LARGE1: variants seen among roughly 807,000 people sequenced by gnomAD.
LARGE1 encodes xylosyl- and glucuronyltransferase LARGE1.
A neutral mutation model predicts 87.6 loss-of-function variants in LARGE1; 43 were observed. The observed-to-expected ratio is 0.49, with a 90% CI of 0.38 to 0.63. The LOEUF is 0.63. Among genes scored for constraint, LARGE1 ranks in the 30% least tolerant of loss-of-function variants. The probability of loss-of-function intolerance (pLI) is 0.00; values close to 1 mark genes in which losing one functional copy is unlikely to be tolerated. For missense variants in LARGE1, 802 were observed against 1,000.2 expected, an observed-to-expected ratio of 0.80 and a Z score of 2.67; for synonymous variants, 434 against 394.6, an observed-to-expected ratio of 1.10 and a Z score of -1.18.
At chr22:33,385,458 G>T (rs1450952206) in intron 7 of LARGE1, among the ~76,000 whole-genome samples, 1 of 141,972 alleles carries the variant, frequency 7.0e-6, no homozygotes, top group Non-Finnish European at 1.6e-5. Context: ...AACCTGGGAG[G>T]TGGAGGTTGC....
At chr22:33,318,849 A>T (rs1291795642) in intron 10 of LARGE1, among the ~76,000 whole-genome samples, 3 of 152,152 alleles carry the variant, frequency 2.0e-5, no homozygotes, top group Non-Finnish European at 4.4e-5. Context: ...TACAGACAAA[A>T]GTTTACATGG....
intron 5 of LARGE1, among the ~76,000 whole-genome samples, chr22:33,589,967 G>T (rs911746159): frequency 6.6e-6 from 1 of 152,126 alleles, no homozygotes; most frequent in African/African-American, 2.4e-5. Context: ...TCTATCATTT[G>T]TGTAATTTTT....
chr22:33,710,163 C>G (rs1490337990), intron 2 of LARGE1, among the ~76,000 whole-genome samples: 1 of 150,582 alleles, frequency 6.6e-6, no homozygotes, highest in Non-Finnish European at 1.5e-5. Flanking sequence ...CTCATGACAG[C>G]AAGGCAGTTA....
rs886956992 is a variant in LARGE1 at position 33,550,406 on chromosome 22, G to C, written c.787+14442C>G. Among the ~76,000 whole-genome samples the C allele has an allele frequency of 1.3e-5, 2 of 152,162 alleles. 1 individual carries two copies. Among genetic ancestry groups the C allele is most frequent in the South Asian group, 4.1e-4 (2 of 4,830 alleles). On this transcript the variant is annotated intron_variant, in intron 6 of 14. Coordinates refer to ENST00000397394, the MANE Select transcript of LARGE1 (RefSeq NM_133642.5). ...GCAACGCCTAGAGATATTTTTGCGT[G>C]TCATAGCTGGAGGGGCATAGGATAG...
intron 3 of LARGE1, among the ~76,000 whole-genome samples, chr22:33,643,969 A>T (rs762123235): frequency 4.6e-5 from 7 of 152,212 alleles, no homozygotes; most frequent in Non-Finnish European, 7.3e-5. Context: ...TCACAGCCAA[A>T]TCTTACCAGA....
chr22:33,605,791 G>C (rs2079236939), intron 4 of LARGE1, among the ~76,000 whole-genome samples: 1 of 152,206 alleles, frequency 6.6e-6, no homozygotes, highest in African/African-American at 2.4e-5. Context: ...ATACTGCTCA[G>C]AGACAGACGA....
chr22:33,392,379 C>T (rs1038291718), intron 7 of LARGE1, among the ~76,000 whole-genome samples: 7 of 152,102 alleles, frequency 4.6e-5, no homozygotes, highest in Admixed American at 3.9e-4. Context: ...AAAATGGGGG[C>T]CAGGTGCGGT....
intron 2 of LARGE1, among the ~76,000 whole-genome samples, chr22:33,698,387 A>C (rs1018270484): frequency 2.1e-5 from 3 of 142,266 alleles, no homozygotes; most frequent in Non-Finnish European, 3.1e-5. Context: ...TGCAACCTCT[A>C]TCTGCAAGTT....
intron 2 of LARGE1, among the ~76,000 whole-genome samples, chr22:33,668,555 T>G (rs903422133): frequency 2.0e-5 from 3 of 152,236 alleles, no homozygotes; most frequent in African/African-American, 7.2e-5. Context: ...CCCATATGCT[T>G]CTGAGAAAAA....
At chr22:33,888,899 C>A (rs1158432770) in intron 1 of LARGE1, among the ~76,000 whole-genome samples, 1 of 152,118 alleles carries the variant, frequency 6.6e-6, no homozygotes, top group Non-Finnish European at 1.5e-5. Context: ...ACAACACTCA[C>A]GAGTTTTGTA....
intron 2 of LARGE1, among the ~76,000 whole-genome samples, chr22:33,665,264 C>T (rs1162578424): frequency 1.3e-5 from 2 of 152,206 alleles, no homozygotes; most frequent in South Asian, 2.1e-4. Context: ...CAAGTATAAA[C>T]GTATCTGTTT....
chr22:33,387,767 T>G (rs77716933), intron 7 of LARGE1, among the ~76,000 whole-genome samples: 14,636 of 152,256 alleles, frequency 0.096, 911 homozygotes, highest in South Asian at 0.25. Context: ...GCCAGTCTTT[T>G]CTTTTGCGTG....
At chr22:33,481,621 A>G (rs574486557) in intron 6 of LARGE1, among the ~76,000 whole-genome samples, 1 of 152,326 alleles carries the variant, frequency 6.6e-6, no homozygotes, top group South Asian at 2.1e-4. Flanking sequence ...AAACACCACC[A>G]TTCACGGCAG....
the LARGE1 span, among the ~76,000 whole-genome samples, chr22:33,157,206 G>GAATAATT: frequency 2.0e-5 from 3 of 151,802 alleles, no homozygotes; most frequent in Admixed American, 6.6e-5. Context: ...CAAAGTGAGT[G>GAATAATT]AATCATTATG....
At chr22:33,719,850 C>T (rs2083040265) in intron 2 of LARGE1, among the ~76,000 whole-genome samples, 1 of 152,080 alleles carries the variant, frequency 6.6e-6, no homozygotes, top group African/African-American at 2.4e-5. Context: ...TGTACCTTTT[C>T]CATGTTTAGG....
Position 33,167,330 on chromosome 22 carries a change from C to T in LARGE1, c.1731-498G>A, listed in dbSNP as rs79865418. Among the ~76,000 whole-genome samples the T allele has an allele frequency of 5.1e-3, 783 of 152,322 alleles. 9 individuals are homozygous for T. The highest frequency in any genetic ancestry group is 0.018 in the African/African-American group (758 of 41,570). ...ACAACTTACAGTACAGCTAGGAAAG[C>T]ACATATCCCAGAGAGATGAAGAAAA... On this transcript the variant is annotated intron_variant, in intron 11 of 11. Transcript: ENST00000608642.
chr22:33,650,537 G>T lies in LARGE1; in HGVS notation c.238C>A (p.Arg80Ser). ...CCCTGGGCCAGGCTGAGCTGCCTGC[G>T]GAGGGCGCGGTTCTCCTCCTCCACC... ...REVEEENRALRRQLSLAQGRA... is the reference protein window; with the variant it reads ...REVEEENRALSRQLSLAQGRA... Residue 80 changes from arginine to serine, a missense_variant, in exon 3 of 15, where the codon CGC (arginine) becomes AGC (serine). Arg to Ser is a moderately radical substitution (Grantham distance 110, BLOSUM62 -1). Around this residue, in one of 2 missense-constraint regions of LARGE1, gnomAD observed 177 missense variants for 158.3 expected, o/e 1.12. Coordinates refer to ENST00000397394, the MANE Select transcript of LARGE1 (RefSeq NM_133642.5). 2 of 1,610,728 alleles carry T rather than the reference G, an allele frequency of 1.2e-6. No individual in the cohort carries two copies. The highest frequency in any genetic ancestry group is 1.7e-6 in the Non-Finnish European group (2 of 1,179,960).
intron 3 of LARGE1, among the ~76,000 whole-genome samples, chr22:33,630,640 GT>G (rs2149093824): frequency 6.6e-6 from 1 of 152,292 alleles, no homozygotes; most frequent in African/African-American, 2.4e-5. Context: ...CATGATTACA[GT>G]TCACAGAAAT....
At chr22:33,275,675 A>G (rs1929114943) in intron 14 of LARGE1, among the ~76,000 whole-genome samples, 1 of 152,222 alleles carries the variant, frequency 6.6e-6, no homozygotes, top group Admixed American at 6.5e-5. Flanking sequence ...AGGTACTGGA[A>G]AAGGTTAAGA....
Sources: gnomAD v4.1 joint callset for allele counts (sites outside exome capture counted in the v4.1 genomes callset) on GRCh38, gnomAD v4.1.1 for gene constraint, gnomAD v4.1.1 regional missense constraint, MANE v1.5 for transcripts, NCBI Gene and HGNC (gene_info 2026-07-23, HGNC 2026-07-21) for gene names.